The following GFRA1 variants were observed in gnomAD, a reference collection of about 807,000 sequenced individuals.
The protein encoded by GFRA1 is GDNF family receptor alpha-1.
In GFRA1, 16 loss-of-function variants were observed where a neutral mutation model predicts 51.6. The observed-to-expected ratio is 0.31, with a 90% CI of 0.21 to 0.47. GFRA1 has a LOEUF of 0.47. Among genes scored for constraint, GFRA1 ranks in the 20% least tolerant of loss-of-function variants. The probability of loss-of-function intolerance (pLI) is 1.00; values close to 1 mark genes in which losing one functional copy is unlikely to be tolerated. For synonymous variants in GFRA1, 270 were observed against 241.3 expected, an observed-to-expected ratio of 1.12 and a Z score of -1.10; for missense variants, 530 against 594.3, an observed-to-expected ratio of 0.89 and a Z score of 1.13.
chr10:116,148,128 G>GTGTGCATGCGTGTGTGCATGCAT (rs1565610771), intron 5 of GFRA1, among the ~76,000 whole-genome samples: 1 of 150,850 alleles, frequency 6.6e-6, no homozygotes, highest in African/African-American at 2.5e-5. Context: ...GCATGTGTGT[G>GTGTGCATGCGTGTGTGCATGCAT]GGGTGGGGGG....
intron 5 of GFRA1, among the ~76,000 whole-genome samples, chr10:116,199,270 T>G (rs916596053): frequency 1.3e-5 from 2 of 152,204 alleles, no homozygotes; most frequent in Non-Finnish European, 2.9e-5. Context: ...CTCAGGCATT[T>G]TGGCCCTAAG....
At chr10:116,228,764 C>T (rs548246124) in intron 4 of GFRA1, among the ~76,000 whole-genome samples, 2 of 151,560 alleles carry the variant, frequency 1.3e-5, no homozygotes, top group African/African-American at 2.4e-5. Context: ...GGGCAGATCA[C>T]GAGGTCAGGA....
At chr10:116,252,081 G>T (rs955255045) in intron 4 of GFRA1, among the ~76,000 whole-genome samples, 2 of 147,030 alleles carry the variant, frequency 1.4e-5, no homozygotes, top group Non-Finnish European at 3.0e-5. Context: ...TACATCTAGG[G>T]TAAATATTTG....
At chr10:116,081,705 T>G (rs550320322) in intron 9 of GFRA1, among the ~76,000 whole-genome samples, 10 of 152,342 alleles carry the variant, frequency 6.6e-5, no homozygotes, top group African/African-American at 2.4e-4. Flanking sequence ...ACCTAAGTTA[T>G]CAAAGCAAAT....
At chr10:116,123,932 AG>A (rs1420642009) in intron 6 of GFRA1, among the ~76,000 whole-genome samples, 2 of 152,186 alleles carry the variant, frequency 1.3e-5, no homozygotes, top group Non-Finnish European at 2.9e-5. Context: ...GTTTTGAGAC[AG>A]GGTCTCACTC....
intron 5 of GFRA1, among the ~76,000 whole-genome samples, chr10:116,183,167 C>T (rs1240590033): frequency 1.3e-5 from 2 of 152,132 alleles, no homozygotes; most frequent in Non-Finnish European, 2.9e-5. Context: ...TTCATCTTTC[C>T]TCAGTGCACT....
In GFRA1 at chr10:116,166,868, C is replaced by T. The variant is rs370595847; in HGVS notation, c.434-41311G>A. On this transcript the variant is annotated intron_variant, in intron 5 of 10. Transcript: ENST00000355422. ...AGGCTGGAGTGCAGCGGTGCGATCTCGGCACACTGCAAGCTCCGCCTCCCG... is the reference window on the plus strand; with the variant it reads ...AGGCTGGAGTGCAGCGGTGCGATCTTGGCACACTGCAAGCTCCGCCTCCCG... 8.5e-5 allele frequency among the ~76,000 whole-genome samples: 12 copies of T among 140,810 alleles called. No homozygotes were observed. In the South Asian group the frequency reaches 1.8e-3, roughly 21 times the overall value. 92.4% of individuals were successfully genotyped at this position (140,810 alleles called of 152,430 possible).
At chr10:116,075,462 T>G (rs1039715591) in intron 9 of GFRA1, among the ~76,000 whole-genome samples, 3 of 152,180 alleles carry the variant, frequency 2.0e-5, no homozygotes, top group Non-Finnish European at 2.9e-5. Flanking sequence ...ATGAAGGATT[T>G]AATTTGTTTA....
At chr10:116,160,870 C>G (rs150415908) in intron 5 of GFRA1, among the ~76,000 whole-genome samples, 9 of 152,282 alleles carry the variant, frequency 5.9e-5, no homozygotes, top group African/African-American at 2.2e-4. Flanking sequence ...GAAAGGAGGG[C>G]ACCTGTCAAT....
chr10:116,137,101 C>G (rs1239234971), intron 5 of GFRA1, among the ~76,000 whole-genome samples: 2 of 152,300 alleles, frequency 1.3e-5, no homozygotes, highest in South Asian at 2.1e-4. Flanking sequence ...TACATTTGCT[C>G]TGTTCCTCCC....
At chr10:116,203,823 G>A (rs937301340) in intron 5 of GFRA1, among the ~76,000 whole-genome samples, 2 of 152,232 alleles carry the variant, frequency 1.3e-5, no homozygotes, top group African/African-American at 2.4e-5. Flanking sequence ...AACAGCTGGA[G>A]TATTGTAAAC....
chr10:116,102,702 T>C (rs1956864468), intron 6 of GFRA1, among the ~76,000 whole-genome samples: 1 of 152,156 alleles, frequency 6.6e-6, no homozygotes, highest in Non-Finnish European at 1.5e-5. Flanking sequence ...ACTTATTCAC[T>C]ACCATGAGAA....
chr10:116,065,416 C>T (rs1412525598), intron 10 of GFRA1, among the ~76,000 whole-genome samples, 157 bp downstream of exon 10: 2 of 152,192 alleles, frequency 1.3e-5, no homozygotes, highest in Admixed American at 6.5e-5. Context: ...AAAGTCTTCA[C>T]CTTGCTCAAA....
intron 4 of GFRA1, among the ~76,000 whole-genome samples, chr10:116,232,933 A>G (rs966352258): frequency 6.6e-6 from 1 of 152,218 alleles, no homozygotes; most frequent in African/African-American, 2.4e-5. Flanking sequence ...ACCTTTAATT[A>G]AATATAGATT....
At chr10:116,270,025 A>G (rs1843774168) in intron 3 of GFRA1, among the ~76,000 whole-genome samples, 1 of 152,184 alleles carries the variant, frequency 6.6e-6, no homozygotes, top group South Asian at 2.1e-4. Flanking sequence ...CCTCTGAAAC[A>G]GGTTTTCATT....
At chr10:116,202,080 C>T (rs2134392882) in intron 5 of GFRA1, among the ~76,000 whole-genome samples, 1 of 152,292 alleles carries the variant, frequency 6.6e-6, no homozygotes, top group South Asian at 2.1e-4. Flanking sequence ...CATCAAACAT[C>T]TATTGAGCCC....
chr10:116,145,302 C>CA, intron 5 of GFRA1, among the ~76,000 whole-genome samples: 1 of 151,752 alleles, frequency 6.6e-6, no homozygotes, highest in African/African-American at 2.4e-5. Flanking sequence ...ACATAGAACT[C>CA]CTATGAATCA....
intron 9 of GFRA1, among the ~76,000 whole-genome samples, chr10:116,080,225 G>GCAAA (rs1052410146): frequency 2.0e-5 from 3 of 152,158 alleles, no homozygotes; most frequent in Admixed American, 2.0e-4. Context: ...CATTTAATCC[G>GCAAA]CAAACACCCC....
chr10:116,092,148 C>T (rs1389903550), intron 8 of GFRA1, among the ~76,000 whole-genome samples: 1 of 143,134 alleles, frequency 7.0e-6, no homozygotes, highest in Non-Finnish European at 1.6e-5. Flanking sequence ...CATTTTCAGT[C>T]GAGACCAAAT....
Sources: gnomAD v4.1 joint callset for allele counts (sites outside exome capture counted in the v4.1 genomes callset) on GRCh38, gnomAD v4.1.1 for gene constraint, MANE v1.5 for transcripts, NCBI Gene and HGNC (gene_info 2026-07-23, HGNC 2026-07-21) for gene names.